Variants in LRMDA observed in about 807,000 individuals in gnomAD.
The protein encoded by LRMDA is leucine rich melanocyte differentiation associated.
A neutral mutation model predicts 29.8 loss-of-function variants in LRMDA; 18 were observed. The observed-to-expected ratio is 0.60, with a 90% CI of 0.42 to 0.90. The LOEUF (loss-of-function observed/expected upper bound fraction) is 0.90, where lower values mean the gene tolerates loss of function less well. LRMDA is among the 40% of genes least tolerant of loss of function. The pLI is 0.00. For synonymous variants in LRMDA, 125 were observed against 109.4 expected (o/e 1.14, Z -0.89); for missense variants, 273 against 273.9 (o/e 1.00, Z 0.02).
intron 2 of LRMDA, among the ~76,000 whole-genome samples, chr10:75,851,378 G>C (rs376690534): frequency 6.6e-6 from 1 of 152,148 alleles, no homozygotes; most frequent in African/African-American, 2.4e-5. Flanking sequence ...ATCCTGTTGT[G>C]TCTTGCCTCC....
chr10:75,608,129 T>TATATATATATATACAC lies in LRMDA; in HGVS notation c.131+169636_131+169637insTATATATATATACACA, dbSNP rs11271217. ...GTGTGTGTATATATATATATATATATACACACACATACACAAAGCAATATT... is the reference window on the plus strand; with the variant it reads ...GTGTGTGTATATATATATATATATATATATATATATATACACACACACACATACACAAAGCAATATT... On this transcript the variant is annotated intron_variant, in intron 2 of 6. Coordinates refer to ENST00000611255, the MANE Select transcript of LRMDA (RefSeq NM_001305581.2). Among the ~76,000 whole-genome samples the TATATATATATATACAC allele has an allele frequency of 2.8e-3, 255 of 89,488 alleles. 8 individuals are homozygous for TATATATATATATACAC. In the East Asian group the frequency reaches 0.048, roughly 17 times the overall value. 58.7% of individuals were successfully genotyped at this position (89,488 alleles called of 152,430 possible). A position where few individuals can be genotyped will look rare whatever the true frequency, so the allele number is the denominator to read the frequency against.
At chr10:75,753,338 C>G (rs1041674303) in intron 2 of LRMDA, among the ~76,000 whole-genome samples, 11 of 152,056 alleles carry the variant, frequency 7.2e-5, no homozygotes, top group African/African-American at 2.2e-4. Context: ...GATAGATAAA[C>G]AAATAAATTT....
intron 5 of LRMDA, among the ~76,000 whole-genome samples, chr10:76,070,294 C>G (rs1848854968): frequency 6.6e-6 from 1 of 152,116 alleles, no homozygotes; most frequent in South Asian, 2.1e-4. Flanking sequence ...GCTTGGGATA[C>G]CATAACAAAA....
At chr10:75,476,720 C>T (rs4745774) in intron 2 of LRMDA, among the ~76,000 whole-genome samples, 7,013 of 152,220 alleles carry the variant, frequency 0.046, 507 homozygotes, top group African/African-American at 0.16. Flanking sequence ...TTTCCCAGCT[C>T]TTGGTGTTTG....
At chr10:75,822,590 G>A (rs1296144293) in intron 2 of LRMDA, among the ~76,000 whole-genome samples, 1 of 152,046 alleles carries the variant, frequency 6.6e-6, no homozygotes, top group Non-Finnish European at 1.5e-5. Context: ...AACCAAAACA[G>A]CATGGTACTG....
intron 2 of LRMDA, among the ~76,000 whole-genome samples, chr10:75,638,612 T>G (rs187187815): frequency 1.3e-5 from 2 of 152,370 alleles, no homozygotes; most frequent in South Asian, 2.1e-4. Context: ...CTGTGTGTTG[T>G]TGTACTTTAG....
chr10:76,210,959 C>T (rs1380987392), intron 5 of LRMDA, among the ~76,000 whole-genome samples: 1 of 152,162 alleles, frequency 6.6e-6, no homozygotes, highest in East Asian at 1.9e-4. Context: ...TTGGAAACTT[C>T]TGCATGTGAT....
intron 2 of LRMDA, among the ~76,000 whole-genome samples, chr10:75,601,794 A>G (rs1191912537): frequency 6.6e-6 from 1 of 152,168 alleles, no homozygotes; most frequent in African/African-American, 2.4e-5. Flanking sequence ...GCTAGGTGGT[A>G]TTATTATCAT....
At chr10:75,596,045 T>TTGCA (rs1421256251) in intron 2 of LRMDA, among the ~76,000 whole-genome samples, 5 of 152,228 alleles carry the variant, frequency 3.3e-5, no homozygotes, top group African/African-American at 1.2e-4. Context: ...GTATGTTTGT[T>TTGCA]TGCATGTGTA....
intron 6 of LRMDA, chr10:76,536,098 G>T (rs1485768472): frequency 6.6e-6 from 1 of 152,160 alleles, no homozygotes; most frequent in Admixed American, 6.5e-5. Flanking sequence ...TTTTAAATGA[G>T]ACATTTAAAT....
At chr10:76,166,197 G>A (rs1423138145) in intron 5 of LRMDA, among the ~76,000 whole-genome samples, 1 of 152,152 alleles carries the variant, frequency 6.6e-6, no homozygotes, top group East Asian at 1.9e-4. Flanking sequence ...CAGGCATGAG[G>A]CTGTCTGTTA....
At chr10:75,987,323 AT>A (rs1472967404) in intron 2 of LRMDA, among the ~76,000 whole-genome samples, 1 of 152,156 alleles carries the variant, frequency 6.6e-6, no homozygotes, top group Non-Finnish European at 1.5e-5. Flanking sequence ...CACTAATGAT[AT>A]TTTGAACCAG....
intron 6 of LRMDA, among the ~76,000 whole-genome samples, chr10:76,431,891 G>T (rs1041369964): frequency 6.6e-6 from 1 of 152,166 alleles, no homozygotes; most frequent in African/African-American, 2.4e-5. Context: ...GAATTTCCCT[G>T]TACAAGCTCC....
intron 2 of LRMDA, among the ~76,000 whole-genome samples, chr10:75,850,116 AG>A (rs1844706745): frequency 6.6e-6 from 1 of 152,230 alleles, no homozygotes; most frequent in African/African-American, 2.4e-5. Flanking sequence ...TAGTCTATCC[AG>A]TTTAATAAGA....
chr10:75,562,049 A>G (rs1470799571), intron 2 of LRMDA, among the ~76,000 whole-genome samples: 4 of 151,978 alleles, frequency 2.6e-5, no homozygotes, highest in South Asian at 2.1e-4. Flanking sequence ...TATTAGGTCC[A>G]CTTGGTGCAG....
intron 5 of LRMDA, among the ~76,000 whole-genome samples, chr10:76,243,897 A>T (rs1044502820): frequency 2.0e-5 from 3 of 152,170 alleles, no homozygotes; most frequent in Non-Finnish European, 2.9e-5. Flanking sequence ...GATGTAGCTA[A>T]GGATCTCAAG....
At chr10:76,221,310 T>G (rs1369435587) in intron 5 of LRMDA, among the ~76,000 whole-genome samples, 1 of 152,184 alleles carries the variant, frequency 6.6e-6, no homozygotes, top group African/African-American at 2.4e-5. Flanking sequence ...GGTATTCAAT[T>G]AGGAAAAGAG....
chr10:76,143,667 G>C (rs1395010818), intron 5 of LRMDA, among the ~76,000 whole-genome samples: 6 of 152,076 alleles, frequency 3.9e-5, no homozygotes, highest in Admixed American at 1.3e-4. Context: ...ATGGTAGTTT[G>C]TTTTGCTGTG....
At chr10:75,482,943 C>G (rs555633839) in intron 2 of LRMDA, among the ~76,000 whole-genome samples, 1 of 151,640 alleles carries the variant, frequency 6.6e-6, no homozygotes, top group African/African-American at 2.4e-5. Context: ...CTTTCCTTTC[C>G]TTTCCTTCTT....
Sources: allele counts gnomAD v4.1 joint callset (sites outside exome capture counted in the v4.1 genomes callset), GRCh38; gene constraint gnomAD v4.1.1; transcripts MANE v1.5; gene names NCBI Gene and HGNC (gene_info 2026-07-23, HGNC 2026-07-21).